The following MSI2 variants were observed in gnomAD, a reference collection of about 807,000 sequenced individuals.
MSI2 encodes the protein RNA-binding protein Musashi homolog 2.
Under a neutral mutation model 45.6 loss-of-function variants are expected in MSI2, and 17 were observed. The observed-to-expected ratio is 0.37, with a 90% CI of 0.26 to 0.56. MSI2 has a LOEUF of 0.56. Ranked by LOEUF, MSI2 falls within the 20% of genes least tolerant of loss-of-function variation. MSI2 has a pLI of 0.77. For missense variants in MSI2, 293 were observed against 444.2 expected (o/e 0.66, Z 3.06); for synonymous variants, 156 against 158.2 (o/e 0.99, Z 0.11).
intron 5 of MSI2, among the ~76,000 whole-genome samples, chr17:57,365,686 C>T (rs1917136472): frequency 6.6e-6 from 1 of 151,964 alleles, no homozygotes; most frequent in East Asian, 1.9e-4. Flanking sequence ...AATAGAAGGC[C>T]ATGTGGGGGA....
intron 9 of MSI2, among the ~76,000 whole-genome samples, chr17:57,624,478 T>C (rs1567943681): frequency 6.6e-6 from 1 of 152,218 alleles, no homozygotes; most frequent in Non-Finnish European, 1.5e-5. Flanking sequence ...ATTTAAGGCA[T>C]CTGAGCCCTG....
chr17:57,428,410 AAG>A (rs1236610756), intron 6 of MSI2, among the ~76,000 whole-genome samples: 1 of 151,828 alleles, frequency 6.6e-6, no homozygotes, highest in East Asian at 1.9e-4. Flanking sequence ...TATTTTTTAA[AAG>A]AGATGTGGCC....
intron 5 of MSI2, among the ~76,000 whole-genome samples, chr17:57,365,465 G>A (rs56860236): frequency 0.015 from 2,333 of 152,296 alleles, 65 homozygotes; most frequent in African/African-American, 0.054. Context: ...AGGAAAGTGT[G>A]GGGAACAGAT....
chr17:57,375,872 C>T (rs548034430), intron 5 of MSI2, among the ~76,000 whole-genome samples: 1 of 152,168 alleles, frequency 6.6e-6, no homozygotes, highest in African/African-American at 2.4e-5. Flanking sequence ...ATGTCTGTTC[C>T]TGTAGCCAAG....
chr17:57,520,291 A>G (rs936976528), intron 6 of MSI2, among the ~76,000 whole-genome samples: 2 of 152,244 alleles, frequency 1.3e-5, no homozygotes, highest in Admixed American at 6.5e-5. Context: ...TAAAATGTCT[A>G]CGTCTCCAGG....
At chr17:57,496,153 A>G (rs2085975119) in intron 6 of MSI2, among the ~76,000 whole-genome samples, 1 of 152,190 alleles carries the variant, frequency 6.6e-6, no homozygotes, top group Admixed American at 6.5e-5. Flanking sequence ...TCATTTCGGC[A>G]TAATATGGGT....
chr17:57,366,915 T>A (rs1031374508), intron 5 of MSI2, among the ~76,000 whole-genome samples: 1 of 152,194 alleles, frequency 6.6e-6, no homozygotes, highest in Non-Finnish European at 1.5e-5. Context: ...ACAGTATTCT[T>A]GAGTTCAGAG....
At chr17:57,258,748 C>T (rs913166729) in intron 4 of MSI2, among the ~76,000 whole-genome samples, 2 of 152,084 alleles carry the variant, frequency 1.3e-5, no homozygotes, top group Non-Finnish European at 2.9e-5. Flanking sequence ...TGCTTTGTGG[C>T]CAAGGGGGAC....
At chr17:57,418,473 A>C (rs537197618) in intron 6 of MSI2, among the ~76,000 whole-genome samples, 1 of 152,222 alleles carries the variant, frequency 6.6e-6, no homozygotes, top group Admixed American at 6.5e-5. Context: ...GGGAGAGTTA[A>C]GAGCAGGCAT....
intron 7 of MSI2, among the ~76,000 whole-genome samples, chr17:57,575,157 C>CT (rs1250242894): frequency 3.5e-5 from 5 of 141,586 alleles, no homozygotes; most frequent in Non-Finnish European, 7.7e-5. Flanking sequence ...TCCCTCCCCC[C>CT]GCCACCCCCC....
chr17:57,297,366 C>G (rs1178657565), intron 5 of MSI2, among the ~76,000 whole-genome samples: 1 of 151,958 alleles, frequency 6.6e-6, no homozygotes, highest in African/African-American at 2.4e-5. Context: ...TATGTTTACA[C>G]TATACTGTAG....
chr17:57,528,196 G>GC (rs1254698253), intron 6 of MSI2, among the ~76,000 whole-genome samples: 1 of 152,126 alleles, frequency 6.6e-6, no homozygotes, highest in African/African-American at 2.4e-5. Context: ...CAGACCAGGT[G>GC]CCCTCCCCCG....
chr17:57,489,329 G>A (rs1277188376), intron 6 of MSI2, among the ~76,000 whole-genome samples: 1 of 152,216 alleles, frequency 6.6e-6, no homozygotes, highest in African/African-American at 2.4e-5. Flanking sequence ...AGCAGCTGGG[G>A]AGGGATGGAA....
intron 6 of MSI2, among the ~76,000 whole-genome samples, chr17:57,492,340 A>G (rs982197775): frequency 2.0e-5 from 3 of 152,238 alleles, no homozygotes; most frequent in African/African-American, 2.4e-5. Flanking sequence ...TGGCATTACT[A>G]TATTGGTATG....
intron 6 of MSI2, among the ~76,000 whole-genome samples, chr17:57,462,584 G>A (rs1442002190): frequency 6.6e-6 from 1 of 152,238 alleles, no homozygotes; most frequent in Non-Finnish European, 1.5e-5. Context: ...ATATCTATGT[G>A]AGTCTGCATA....
intron 7 of MSI2, among the ~76,000 whole-genome samples, chr17:57,539,669 G>C (rs1284468305): frequency 6.9e-5 from 3 of 43,428 alleles, no homozygotes; most frequent in Non-Finnish European, 1.4e-4. Context: ...ATGGATAGAT[G>C]AGGATTTTCT....
chr17:57,476,920 A>G (rs2085548278), intron 6 of MSI2, among the ~76,000 whole-genome samples: 1 of 151,206 alleles, frequency 6.6e-6, no homozygotes, highest in African/African-American at 2.4e-5. Flanking sequence ...GTCTGTTCTC[A>G]CTCTCTTCCC....
At chr17:57,339,291 C>T (rs148252918) in intron 5 of MSI2, among the ~76,000 whole-genome samples, 87 of 152,300 alleles carry the variant, frequency 5.7e-4, no homozygotes, top group African/African-American at 1.9e-3. Context: ...CATCGTCTCA[C>T]GGATTGATTC....
At chr17:57,484,684 CTG>C (rs1598321244) in intron 6 of MSI2, among the ~76,000 whole-genome samples, 1 of 152,212 alleles carries the variant, frequency 6.6e-6, no homozygotes, top group South Asian at 2.1e-4. Context: ...CTTGGACCCT[CTG>C]TGGAGCATGC....
Sources: allele counts gnomAD v4.1 joint callset (sites outside exome capture counted in the v4.1 genomes callset), GRCh38; gene constraint gnomAD v4.1.1; transcripts MANE v1.5; gene names NCBI Gene and HGNC (gene_info 2026-07-23, HGNC 2026-07-21).